Variants in TCF4 observed in about 807,000 individuals in gnomAD.
TCF4 encodes the protein SL3-3 enhancer factor 2.
In TCF4, 3 loss-of-function variants were observed where a neutral mutation model predicts 82.1. The observed-to-expected ratio is 0.04, with a 90% CI of 0.02 to 0.09. The LOEUF is 0.09. Among genes scored for constraint, TCF4 ranks in the 10% least tolerant of loss-of-function variants. The pLI, the probability that TCF4 is intolerant of heterozygous loss-of-function variation, is 1.00. For missense variants in TCF4, 518 were observed against 852.7 expected, an observed-to-expected ratio of 0.61 and a Z score of 4.89; for synonymous variants, 276 against 309.6, an observed-to-expected ratio of 0.89 and a Z score of 1.14.
At chr18:55,240,589 A>T (rs1261073) in intron 15 of TCF4, among the ~76,000 whole-genome samples, 3 of 151,962 alleles carry the variant, frequency 2.0e-5, no homozygotes, top group African/African-American at 4.8e-5. Context: ...GATGGGAATT[A>T]GGAAGTTCAT....
intron 8 of TCF4, among the ~76,000 whole-genome samples, chr18:55,293,963 T>TTTTTTG (rs11444091): frequency 7.1e-6 from 1 of 139,958 alleles, no homozygotes; most frequent in African/African-American, 2.8e-5. Context: ...TTTTTTTTTT[T>TTTTTTG]AGAATTCATA....
chr18:55,370,184 G>A (rs1047755403), intron 6 of TCF4, among the ~76,000 whole-genome samples: 5 of 152,210 alleles, frequency 3.3e-5, no homozygotes, highest in Admixed American at 3.3e-4. Flanking sequence ...GATCGCTTGA[G>A]CCCAGGAGTT....
chr18:55,546,012 T>C (rs956449168), intron 3 of TCF4, among the ~76,000 whole-genome samples: 1 of 152,142 alleles, frequency 6.6e-6, no homozygotes, highest in African/African-American at 2.4e-5. Flanking sequence ...CATGACCTCC[T>C]ATACATAAAG....
chr18:55,605,066 C>T (rs2097701032), intron 2 of TCF4, among the ~76,000 whole-genome samples: 2 of 152,252 alleles, frequency 1.3e-5, no homozygotes, highest in East Asian at 1.9e-4. Context: ...ACTGAGATTG[C>T]AGAATGGGCA....
In TCF4 at chr18:55,415,626, T is replaced by C. The variant is rs191923307; in HGVS notation, c.305-12108A>G. 3.9e-5 allele frequency among the ~76,000 whole-genome samples: 6 copies of C among 152,298 alleles called. No individual in the cohort carries two copies. The East Asian group carries it at 5.8e-4, about 15-fold the overall frequency. On this transcript the variant is annotated intron_variant, in intron 5 of 19. Transcript: ENST00000354452. ...CTCAATTTAGGATCAGTAAGAAACA[T>C]ACATAAGTACACTTTAGTATTAAAT...
At chr18:55,346,626 A>G (rs2081242732) in intron 8 of TCF4, among the ~76,000 whole-genome samples, 2 of 152,190 alleles carry the variant, frequency 1.3e-5, no homozygotes, top group Non-Finnish European at 2.9e-5. Context: ...TGAGACCATC[A>G]TTAAAGATGC....
intron 3 of TCF4, among the ~76,000 whole-genome samples, chr18:55,494,157 GACACACACAC>G (rs3138626): frequency 3.4e-5 from 5 of 147,622 alleles, no homozygotes; most frequent in African/African-American, 7.5e-5. Flanking sequence ...AAATATTATG[GACACACACAC>G]ACACACACAC....
chr18:55,475,380 T>C (rs936102629), intron 3 of TCF4, among the ~76,000 whole-genome samples: 1 of 152,186 alleles, frequency 6.6e-6, no homozygotes, highest in Non-Finnish European at 1.5e-5. Flanking sequence ...TCCCAGGACA[T>C]CACTTCCAGA....
upstream of TCF4, chr18:55,589,348 AAG>A (rs2097678925): frequency 9.5e-7 from 1 of 1,053,104 alleles, no homozygotes; most frequent in African/African-American, 1.7e-5. Flanking sequence ...AGACTTTAAA[AAG>A]AGAGACAAAA....
chr18:55,555,536 G>A (rs2097296275), intron 3 of TCF4, among the ~76,000 whole-genome samples: 2 of 152,176 alleles, frequency 1.3e-5, no homozygotes, highest in Non-Finnish European at 2.9e-5. Context: ...TGCTGGTACA[G>A]ATTTGCAAAA....
chr18:55,405,137 C>T (rs918166207), intron 5 of TCF4, among the ~76,000 whole-genome samples: 5 of 152,224 alleles, frequency 3.3e-5, no homozygotes, highest in African/African-American at 4.8e-5. Flanking sequence ...CATATTTACT[C>T]ATCTGTGTAC....
intron 3 of TCF4, among the ~76,000 whole-genome samples, chr18:55,508,304 C>T (rs2096786766): frequency 6.6e-6 from 1 of 152,182 alleles, no homozygotes; most frequent in South Asian, 2.1e-4. Context: ...TTTCTTTTAA[C>T]CAGGCTGCCA....
intron 3 of TCF4, among the ~76,000 whole-genome samples, chr18:55,514,438 CACACA>C (rs761643622): frequency 6.6e-6 from 1 of 151,808 alleles, no homozygotes; most frequent in African/African-American, 2.4e-5. Context: ...CACACACACA[CACACA>C]CACCCCAATC....
At chr18:55,302,628 G>C (rs2068688589) in intron 8 of TCF4, 3 of 1,511,688 alleles carry the variant, frequency 2.0e-6, no homozygotes, top group South Asian at 1.3e-5. Flanking sequence ...ATGAAACTCA[G>C]ACCCGCAGAT....
intron 5 of TCF4, chr18:55,422,430 T>C: frequency 1.0e-6 from 1 of 984,290 alleles, no homozygotes; most frequent in Non-Finnish European, 1.2e-6. Context: ...TTTTTTTTAA[T>C]ATTAAAAAAA....
chr18:55,237,855 C>A (rs1236843030), intron 15 of TCF4, among the ~76,000 whole-genome samples: 3 of 152,194 alleles, frequency 2.0e-5, no homozygotes, highest in Non-Finnish European at 2.9e-5. Flanking sequence ...TCTTCTCTTT[C>A]AGAAACATTA....
chr18:55,635,065 A>C (rs1050935847), intron 1 of TCF4, among the ~76,000 whole-genome samples: 4 of 152,228 alleles, frequency 2.6e-5, no homozygotes, highest in African/African-American at 9.6e-5. Flanking sequence ...ATAAATGTAC[A>C]TGCTGGCAGA....
chr18:55,259,569 A>G (rs1437279324), intron 13 of TCF4: 2 of 182,716 alleles, frequency 1.1e-5, no homozygotes, highest in Non-Finnish European at 2.3e-5. Flanking sequence ...TAAATAGTCT[A>G]TATTTGATGA....
intron 4 of TCF4, among the ~76,000 whole-genome samples, chr18:55,461,805 T>C (rs2095872183): frequency 6.6e-6 from 1 of 152,210 alleles, no homozygotes; most frequent in Non-Finnish European, 1.5e-5. Context: ...TATTTCATTA[T>C]TACAATCAGC....
Sources: gnomAD v4.1 joint callset for allele counts (sites outside exome capture counted in the v4.1 genomes callset) on GRCh38, gnomAD v4.1.1 for gene constraint, MANE v1.5 for transcripts, NCBI Gene and HGNC (gene_info 2026-07-23, HGNC 2026-07-21) for gene names.